ULK4: variants seen among roughly 807,000 people sequenced by gnomAD.
ULK4 encodes the protein unc-51 like kinase 4.
ULK4 carries 133 observed loss-of-function variants against 160.6 expected under a neutral mutation model. The observed-to-expected ratio is 0.83, with a 90% CI of 0.72 to 0.96. The LOEUF is 0.96. Ranked by LOEUF, ULK4 falls within the 40% of genes least tolerant of loss-of-function variation. ULK4 has a pLI of 0.00. For synonymous variants in ULK4, 534 were observed against 539.8 expected (o/e 0.99, Z 0.15); for missense variants, 1,580 against 1,499.5 (o/e 1.05, Z -0.89).
At position 41,590,867 on chromosome 3, in the gene ULK4, T is replaced by TG. The variant is rs147222855; in HGVS notation, c.3121-24738dup. Among the ~76,000 whole-genome samples the TG allele has an allele frequency of 3.4e-3, 508 of 151,536 alleles. 3 individuals are homozygous for TG. The highest frequency in any genetic ancestry group is 0.012 in the African/African-American group (485 of 41,312). On this transcript the variant is annotated intron_variant, in intron 31 of 36. Coordinates refer to ENST00000301831, the MANE Select transcript of ULK4 (RefSeq NM_017886.4). ...TCAAGCAGCCTAACATACATGTAATTGAGGATAAAATAGGCTAAGAGGAAA... is the reference window on the plus strand; with the variant it reads ...TCAAGCAGCCTAACATACATGTAATTGGAGGATAAAATAGGCTAAGAGGAAA...
intron 19 of ULK4, among the ~76,000 whole-genome samples, chr3:41,805,445 T>G (rs1393769989): frequency 1.3e-5 from 2 of 152,232 alleles, no homozygotes; most frequent in African/African-American, 4.8e-5. Flanking sequence ...ACAATTTGAC[T>G]TCCTCTTTTC....
intron 22 of ULK4, among the ~76,000 whole-genome samples, chr3:41,731,714 A>C (rs1366010869): frequency 2.0e-5 from 3 of 151,968 alleles, no homozygotes; most frequent in Middle Eastern, 6.8e-3. Flanking sequence ...GTGGCATCAG[A>C]CTACCAGACT....
intron 31 of ULK4, among the ~76,000 whole-genome samples, chr3:41,608,385 C>T (rs1012605295): frequency 3.9e-5 from 6 of 152,188 alleles, no homozygotes; most frequent in Admixed American, 1.3e-4. Flanking sequence ...TCTTTGCTGA[C>T]ATTTCTACTT....
chr3:41,658,615 G>A (rs1423170828), intron 30 of ULK4, among the ~76,000 whole-genome samples: 1 of 152,078 alleles, frequency 6.6e-6, no homozygotes, highest in Non-Finnish European at 1.5e-5. Flanking sequence ...CTATGTATCT[G>A]TTTAAAGGAG....
At chr3:41,722,427 G>C (rs376532136) in intron 22 of ULK4, among the ~76,000 whole-genome samples, 2 of 152,042 alleles carry the variant, frequency 1.3e-5, no homozygotes, top group East Asian at 3.9e-4. Flanking sequence ...TCAGGAGTTC[G>C]AGACCAGCCT....
At chr3:41,599,541 G>T (rs146784923) in intron 31 of ULK4, among the ~76,000 whole-genome samples, 16 of 151,104 alleles carry the variant, frequency 1.1e-4, no homozygotes, top group Admixed American at 1.1e-3. Context: ...ACAGAAAACT[G>T]CTCAGAAAAG....
At chr3:41,475,847 T>G (rs1378193194) in intron 32 of ULK4, among the ~76,000 whole-genome samples, 1 of 151,754 alleles carries the variant, frequency 6.6e-6, no homozygotes, top group Non-Finnish European at 1.5e-5. Flanking sequence ...TTTCAGAATT[T>G]GCCCAAAGAA....
chr3:41,544,463 T>A (rs1294099160), intron 32 of ULK4, among the ~76,000 whole-genome samples: 1 of 152,332 alleles, frequency 6.6e-6, no homozygotes, highest in East Asian at 1.9e-4. Flanking sequence ...CTGGGTCCCC[T>A]TCAGGTCTTT....
At chr3:41,928,341 T>C (rs952201400) in intron 5 of ULK4, among the ~76,000 whole-genome samples, 3 of 152,110 alleles carry the variant, frequency 2.0e-5, no homozygotes, top group Non-Finnish European at 2.9e-5. Context: ...TCTGGGACAC[T>C]GCTAAAGCAG....
chr3:41,678,177 T>TGCAC (rs2035794528), intron 29 of ULK4, among the ~76,000 whole-genome samples: 1 of 123,056 alleles, frequency 8.1e-6, no homozygotes, highest in Non-Finnish European at 1.7e-5. Flanking sequence ...CTTTATTTCA[T>TGCAC]ACACACACAC....
chr3:41,646,086 C>A (rs1038226018), intron 30 of ULK4, among the ~76,000 whole-genome samples: 6 of 152,138 alleles, frequency 3.9e-5, no homozygotes, highest in Non-Finnish European at 7.3e-5. Context: ...CTATGTGTGT[C>A]TCTGCACATG....
chr3:41,771,463 G>A (rs775956847), intron 21 of ULK4, among the ~76,000 whole-genome samples: 5 of 152,120 alleles, frequency 3.3e-5, no homozygotes, highest in Admixed American at 6.6e-5. Context: ...TTTATGATTT[G>A]TACATTCTAT....
At chr3:41,349,123 C>T (rs144865641) in intron 35 of ULK4, among the ~76,000 whole-genome samples, 1 of 152,292 alleles carries the variant, frequency 6.6e-6, no homozygotes, top group Non-Finnish European at 1.5e-5. Flanking sequence ...TCTCTAGGCT[C>T]GGGCCATACT....
chr3:41,531,693 C>A (rs2086325936), intron 32 of ULK4, among the ~76,000 whole-genome samples: 1 of 151,910 alleles, frequency 6.6e-6, no homozygotes, highest in Admixed American at 6.6e-5. Flanking sequence ...ATAGGTAAAC[C>A]AAAACAACAA....
chr3:41,688,657 A>G (rs920162825), intron 27 of ULK4, among the ~76,000 whole-genome samples: 6 of 152,200 alleles, frequency 3.9e-5, no homozygotes, highest in Admixed American at 2.0e-4. Context: ...AGCTGAGGTC[A>G]CCCTAAACTT....
chr3:41,900,640 T>A, intron 13 of ULK4, 85 bp downstream of exon 13: 1 of 1,085,380 alleles, frequency 9.2e-7, no homozygotes, highest in Non-Finnish European at 1.4e-6. Context: ...GATTATACAG[T>A]AAATAATATT....
At chr3:41,719,942 A>G (rs1214380045) in intron 22 of ULK4, among the ~76,000 whole-genome samples, 1 of 152,078 alleles carries the variant, frequency 6.6e-6, no homozygotes, top group Non-Finnish European at 1.5e-5. Context: ...TGTCTCTTAA[A>G]TACAGTACCT....
At chr3:41,719,770 T>C (rs1354357501) in intron 22 of ULK4, among the ~76,000 whole-genome samples, 5 of 152,168 alleles carry the variant, frequency 3.3e-5, no homozygotes, top group South Asian at 2.1e-4. Flanking sequence ...TAAACTAATC[T>C]TGTCCATCAG....
intron 17 of ULK4, among the ~76,000 whole-genome samples, chr3:41,845,363 A>G (rs2042045646): frequency 6.6e-6 from 1 of 152,226 alleles, no homozygotes; most frequent in African/African-American, 2.4e-5. Context: ...CAACTGATAC[A>G]TCCAACAACC....
Sources: gnomAD v4.1 joint callset for allele counts (sites outside exome capture counted in the v4.1 genomes callset) on GRCh38, gnomAD v4.1.1 for gene constraint, MANE v1.5 for transcripts, NCBI Gene and HGNC (gene_info 2026-07-23, HGNC 2026-07-21) for gene names.